The following PCDHA13 variants were observed in gnomAD, a reference collection of about 807,000 sequenced individuals.
PCDHA13 encodes protocadherin alpha 13, also known as protocadherin alpha-13.
Under a neutral mutation model 64.8 loss-of-function variants are expected in PCDHA13, and 54 were observed. That is an observed-to-expected ratio of 0.83 (90% CI 0.67 to 1.04). The LOEUF is 1.04. PCDHA13 is among the 50% of genes least tolerant of loss of function. The probability of loss-of-function intolerance (pLI) is 0.00; values close to 1 mark genes in which losing one functional copy is unlikely to be tolerated. For missense variants in PCDHA13, 1,248 were observed against 1,254.3 expected, an observed-to-expected ratio of 0.99 and a Z score of 0.08; for synonymous variants, 587 against 564.4, an observed-to-expected ratio of 1.04 and a Z score of -0.57.
chr5:140,896,465 C>T (rs967658819), intron 1 of PCDHA13, among the ~76,000 whole-genome samples: 8 of 151,988 alleles, frequency 5.3e-5, no homozygotes, highest in South Asian at 4.1e-4. Context: ...TGGGTTCAAG[C>T]GGTTCTCCTG....
At chr5:140,903,770 C>T (rs1583503336) in intron 1 of PCDHA13, among the ~76,000 whole-genome samples, 1 of 152,136 alleles carries the variant, frequency 6.6e-6, no homozygotes, top group Non-Finnish European at 1.5e-5. Flanking sequence ...CTGAACTTTT[C>T]TATCCATAAA....
intron 1 of PCDHA13, chr5:140,968,681 A>G: frequency 1.9e-6 from 3 of 1,614,158 alleles, no homozygotes; most frequent in Non-Finnish European, 2.5e-6. Context: ...AGAGCTGCAC[A>G]CAGGAGAAAT....
intron 1 of PCDHA13, among the ~76,000 whole-genome samples, chr5:140,920,418 G>C (rs1355987486): frequency 6.6e-6 from 1 of 151,868 alleles, no homozygotes; most frequent in Non-Finnish European, 1.5e-5. Flanking sequence ...AGATACAGCT[G>C]TTCTCCCACA....
At chr5:140,897,381 T>C (rs1258843270) in intron 1 of PCDHA13, among the ~76,000 whole-genome samples, 1 of 136,686 alleles carries the variant, frequency 7.3e-6, no homozygotes, top group Non-Finnish European at 1.5e-5. Flanking sequence ...CCCTTCCCCT[T>C]CCTGTGTCCA....
chr5:140,929,170 C>T, intron 1 of PCDHA13: 4 of 1,614,134 alleles, frequency 2.5e-6, no homozygotes, highest in Non-Finnish European at 3.4e-6. Flanking sequence ...TCGGGCCTCT[C>T]TGGGACTTGG....
chr5:140,974,481 A>T (rs1017520033), intron 1 of PCDHA13, among the ~76,000 whole-genome samples: 4 of 152,178 alleles, frequency 2.6e-5, no homozygotes, highest in Non-Finnish European at 5.9e-5. Context: ...TTCCACCCAG[A>T]ATTCTCAAAT....
intron 3 of PCDHA13, among the ~76,000 whole-genome samples, chr5:140,987,154 C>T (rs1404083891): frequency 6.6e-6 from 1 of 150,704 alleles, no homozygotes; most frequent in Non-Finnish European, 1.5e-5. Flanking sequence ...GTGGAGGTTG[C>T]AGTGAGCTGA....
chr5:140,968,405 G>C (rs2096244938), intron 1 of PCDHA13: 7 of 1,614,002 alleles, frequency 4.3e-6, no homozygotes, highest in Non-Finnish European at 5.9e-6. Flanking sequence ...GGAGTTCTTT[G>C]TGACTGTGGA....
At position 140,883,119 on chromosome 5, in the gene PCDHA13, C is replaced by T; in HGVS notation, c.851C>T (p.Pro284Leu). Reference sequence around the variant, plus strand: ...GATATAGTTTACTCATTTAGAAGGCCTGTATGGCCTGCAGTGGTATATGCA... The same window carrying T: ...GATATAGTTTACTCATTTAGAAGGCTTGTATGGCCTGCAGTGGTATATGCA... ...NGDIVYSFRRPVWPAVVYAFT... is the reference protein window; with the variant it reads ...NGDIVYSFRRLVWPAVVYAFT... The change falls in exon 1 of 4, where the codon CCT becomes CTT. Residue 284 changes from proline (P) to leucine (L), a missense_variant. Transcript: ENST00000289272. 1 of 1,613,998 alleles carries T rather than the reference C, an allele frequency of 6.2e-7. No homozygotes were observed. The highest frequency in any genetic ancestry group is 8.5e-7 in the Non-Finnish European group (1 of 1,180,006).
chr5:140,907,885 A>C (rs1554193167), intron 1 of PCDHA13, among the ~76,000 whole-genome samples: 1 of 152,210 alleles, frequency 6.6e-6, no homozygotes, highest in Admixed American at 6.5e-5. Flanking sequence ...CTCACATGGG[A>C]TACAAATATC....
intron 1 of PCDHA13, chr5:140,969,449 AG>A (rs1470034134): frequency 2.8e-5 from 43 of 1,510,842 alleles, no homozygotes; most frequent in Non-Finnish European, 3.2e-5. Flanking sequence ...TGGTAAACTG[AG>A]TATATATAGT....
At chr5:140,973,449 C>CT (rs2096588066) in intron 1 of PCDHA13, among the ~76,000 whole-genome samples, 1 of 152,188 alleles carries the variant, frequency 6.6e-6, no homozygotes, top group African/African-American at 2.4e-5. Flanking sequence ...TTTATAATGA[C>CT]TGGGGCTGTT....
Position 140,884,167 on chromosome 5 carries a change from G to A in PCDHA13, c.1899G>A (p.Thr633=). 7 of 1,613,412 alleles carry A rather than the reference G, an allele frequency of 4.3e-6. No homozygotes were observed. The highest frequency in any genetic ancestry group is 5.1e-6 in the Non-Finnish European group (6 of 1,179,736). ...GGCTGTACACTGGCGAGATCAGCAC[G>A]ACGCGCCCTCTGGACGAGGTGGACG... is the stretch of plus-strand genomic sequence containing the variant. ...RVGLYTGEIS[T]TRPLDEVDAP... is the part of the protein sequence containing the mutation. Residue 633 remains threonine (T), a synonymous_variant, in exon 1 of 4, where the codon ACG becomes ACA. Transcript: ENST00000289272.
intron 3 of PCDHA13, among the ~76,000 whole-genome samples, chr5:140,999,830 T>C (rs146250053): frequency 2.0e-5 from 3 of 152,238 alleles, no homozygotes; most frequent in Non-Finnish European, 4.4e-5. Context: ...GCTTTAAAAA[T>C]ATGCCAAGTG....
Position 140,973,027 on chromosome 5 carries a change from T to C in PCDHA13, c.2395-5922T>C, listed in dbSNP as rs373487044. On this transcript the variant is annotated intron_variant, in intron 1 of 3. Coordinates refer to ENST00000289272, the MANE Select transcript of PCDHA13 (RefSeq NM_018904.3). ...TCGTGGTGTTGTGATTGTTAATGAG[T>C]CACTTTGAGTACTCTAGTAGATTTG... Among the ~76,000 whole-genome samples the C allele has an allele frequency of 2.6e-5, 4 of 152,042 alleles. No individual in the cohort carries two copies. The East Asian group carries it at 5.8e-4, about 22-fold the overall frequency.
chr5:140,964,968 G>A lies in PCDHA13; in HGVS notation c.2395-13981G>A, dbSNP rs566051914. On this transcript the variant is annotated intron_variant, in intron 1 of 3. Coordinates refer to ENST00000289272, the MANE Select transcript of PCDHA13 (RefSeq NM_018904.3). ...GAGTGTGCTTGGTTGGTGGAACGAA[G>A]GGATGTGCTAGTTCAGGCCTTTGAA... 3.9e-5 allele frequency among the ~76,000 whole-genome samples: 6 copies of A among 152,326 alleles called. No individual in the cohort carries two copies. In the South Asian group the frequency reaches 1.0e-3, roughly 26 times the overall value.
intron 1 of PCDHA13, among the ~76,000 whole-genome samples, chr5:140,896,197 T>G (rs911999135): frequency 2.0e-5 from 3 of 152,280 alleles, no homozygotes; most frequent in Non-Finnish European, 2.9e-5. Flanking sequence ...AGTGCCATGA[T>G]GAACATACAC....
rs189687890 is a variant in PCDHA13 at position 140,972,728 on chromosome 5, A to G, written c.2395-6221A>G. ...TGCCAGGCTGGAGTGCAGTGGCGTA[A>G]TCCCGGCTCACTGCAACCTCCGCCT... On this transcript the variant is annotated intron_variant, in intron 1 of 3. Transcript: ENST00000289272. Among the ~76,000 whole-genome samples the G allele has an allele frequency of 6.0e-3, 882 of 147,958 alleles. 8 individuals carry two copies. Among genetic ancestry groups the G allele is most frequent in the African/African-American group, 0.021 (847 of 39,742 alleles).
chr5:140,996,196 A>G (rs2097716509), intron 3 of PCDHA13, among the ~76,000 whole-genome samples: 2 of 152,216 alleles, frequency 1.3e-5, no homozygotes, highest in South Asian at 2.1e-4. Context: ...TATACCCTCA[A>G]TGCAAGGATA....
Sources: allele counts gnomAD v4.1 joint callset (sites outside exome capture counted in the v4.1 genomes callset), GRCh38; gene constraint gnomAD v4.1.1; transcripts MANE v1.5; gene names NCBI Gene and HGNC (gene_info 2026-07-23, HGNC 2026-07-21).